OR14I1: variants seen among roughly 807,000 people sequenced by gnomAD.
OR14I1 encodes olfactory receptor 14I1.
For synonymous variants in OR14I1, 118 were observed against 71.1 expected, an observed-to-expected ratio of 1.66 and a Z score of -3.32; for missense variants, 279 against 181.8, an observed-to-expected ratio of 1.53 and a Z score of -3.07.
upstream of OR14I1, among the ~76,000 whole-genome samples, chr1:248,687,245 C>T (rs374488740): frequency 6.6e-6 from 1 of 152,210 alleles, no homozygotes; most frequent in Non-Finnish European, 1.5e-5. Context: ...AAAACCCAGA[C>T]ATTTAAGTAC....
chr1:248,697,585 GACCAGCC>G, the OR14I1 span, among the ~76,000 whole-genome samples: 12 of 151,790 alleles, frequency 7.9e-5, no homozygotes, highest in Non-Finnish European at 1.6e-4. Context: ...GGGAGTTCAA[GACCAGCC>G]TGACCAACAT....
At chr1:248,681,565 A>C (rs1276214548) in exon 1 of OR14I1, 2 of 780,974 alleles carry the variant, frequency 2.6e-6, no homozygotes, top group African/African-American at 3.4e-5. Context: ...AAGAAAGAGC[A>C]TGATGACAAT....
At chr1:248,701,735 A>G in the OR14I1 span, among the ~76,000 whole-genome samples, 1 of 152,190 alleles carries the variant, frequency 6.6e-6, no homozygotes, top group East Asian at 1.9e-4. Context: ...ATGACAGAGT[A>G]GGACATACTG....
the OR14I1 span, among the ~76,000 whole-genome samples, chr1:248,694,735 T>C: frequency 6.6e-6 from 1 of 152,344 alleles, no homozygotes; most frequent in African/African-American, 2.4e-5. Flanking sequence ...CAAATGCATG[T>C]AGGAAAATAC....
At chr1:248,701,405 C>G in the OR14I1 span, among the ~76,000 whole-genome samples, 19 of 152,300 alleles carry the variant, frequency 1.2e-4, 1 homozygote, top group South Asian at 2.3e-3. Flanking sequence ...CCATCCACCT[C>G]AGTCTCCCAA....
the OR14I1 span, among the ~76,000 whole-genome samples, chr1:248,698,634 C>A: frequency 6.6e-6 from 1 of 152,128 alleles, no homozygotes; most frequent in African/African-American, 2.4e-5. Context: ...GAAAATATGC[C>A]AATATGTGAT....
chr1:248,696,108 C>G, the OR14I1 span, among the ~76,000 whole-genome samples: 20 of 152,042 alleles, frequency 1.3e-4, no homozygotes, highest in Non-Finnish European at 2.2e-4. Context: ...GCAAGAAATC[C>G]CAGGATTCTT....
At chr1:248,689,271 C>T in the OR14I1 span, among the ~76,000 whole-genome samples, 818 of 152,278 alleles carry the variant, frequency 5.4e-3, 11 homozygotes, top group African/African-American at 0.019. Flanking sequence ...TAGAAAAACA[C>T]ATGTTCTGGG....
At chr1:248,691,245 T>C in the OR14I1 span, among the ~76,000 whole-genome samples, 1 of 152,164 alleles carries the variant, frequency 6.6e-6, no homozygotes, top group African/African-American at 2.4e-5. Context: ...ACACTAACAA[T>C]GCATTTATGT....
chr1:248,699,785 G>T, the OR14I1 span, among the ~76,000 whole-genome samples: 2 of 152,138 alleles, frequency 1.3e-5, no homozygotes, highest in Admixed American at 6.5e-5. Flanking sequence ...TTGAGACAGA[G>T]TCTCGCTCTA....
chr1:248,696,669 A>T, the OR14I1 span, among the ~76,000 whole-genome samples: 1 of 152,172 alleles, frequency 6.6e-6, no homozygotes, highest in Non-Finnish European at 1.5e-5. Context: ...CCACTCAAAA[A>T]ATGTCCCTTT....
chr1:248,682,158 G>C (rs147088930), exon 1 of OR14I1: 1 of 781,052 alleles, frequency 1.3e-6, no homozygotes, highest in Non-Finnish European at 2.4e-6. Context: ...GATGCTGATC[G>C]AGAGTGATGA....
upstream of OR14I1, among the ~76,000 whole-genome samples, chr1:248,686,687 A>G (rs1661662183): frequency 6.7e-6 from 1 of 148,196 alleles, no homozygotes; most frequent in South Asian, 2.2e-4. Context: ...ATTTGAAATG[A>G]TTGCTTACAT....
chr1:248,695,302 C>A, the OR14I1 span, among the ~76,000 whole-genome samples: 19 of 142,388 alleles, frequency 1.3e-4, no homozygotes, highest in African/African-American at 4.3e-4. Flanking sequence ...GGTGCAATCT[C>A]GGCTCACTGC....
Position 248,681,405 on chromosome 1 carries a change from C to T in OR14I1, c.900G>A (p.Trp300Ter), listed in dbSNP as rs1224975000. Residue 300 changes from tryptophan to a stop codon, truncating the protein, a stop_gained, in exon 1 of 1, where the codon TGG becomes TGA. Coordinates refer to ENST00000342623, the Ensembl canonical transcript of OR14I1. LOFTEE classifies it low-confidence loss of function (END_TRUNC). ...GAAAATATATCTTCACAAAGAGTCT[C>T]CACATGGCTGTTTTAATCTCCTTAT... 1.3e-6 allele frequency: 1 copy of T among 776,924 alleles called. No individual in the cohort carries two copies. The highest frequency in any genetic ancestry group is 2.4e-6 in the Non-Finnish European group (1 of 416,720). The allele number at this position is 776,924 out of a possible 1,614,324, so 48.1% of individuals were successfully genotyped here. A position where few individuals can be genotyped will look rare whatever the true frequency, so the allele number is the denominator to read the frequency against.
At chr1:248,685,877 C>T (rs1019615892), upstream of OR14I1, among the ~76,000 whole-genome samples, 1 of 151,548 alleles carries the variant, frequency 6.6e-6, no homozygotes, top group Non-Finnish European at 1.5e-5. Context: ...AAATTGTCTA[C>T]AATTTGAAAT....
the OR14I1 span, among the ~76,000 whole-genome samples, chr1:248,702,569 A>G: frequency 6.6e-6 from 1 of 151,808 alleles, no homozygotes; most frequent in Non-Finnish European, 1.5e-5. Flanking sequence ...CTCATCTCTC[A>G]CTGTAGTATT....
At chr1:248,681,614 T>C (rs148798792) in exon 1 of OR14I1, 274 of 781,054 alleles carry the variant, frequency 3.5e-4, no homozygotes, top group Non-Finnish European at 6.2e-4. Context: ...TTTGCTCGAC[T>C]CTGTCCTGAA....
upstream of OR14I1, among the ~76,000 whole-genome samples, chr1:248,686,438 C>G (rs1250414139): frequency 6.6e-6 from 1 of 152,134 alleles, no homozygotes; most frequent in Non-Finnish European, 1.5e-5. Flanking sequence ...CCACTTATAT[C>G]AAGCAAAAGA....
Sources: gnomAD v4.1 joint callset for allele counts (sites outside exome capture counted in the v4.1 genomes callset) on GRCh38, gnomAD v4.1.1 for gene constraint, MANE v1.5 for transcripts, NCBI Gene and HGNC (gene_info 2026-07-23, HGNC 2026-07-21) for gene names.